PACC1: variants seen among roughly 807,000 people sequenced by gnomAD.
PACC1 encodes the protein proton-activated chloride channel.
A neutral mutation model predicts 39.7 loss-of-function variants in PACC1; 34 were observed. That is an observed-to-expected ratio of 0.86 (90% CI 0.65 to 1.14). The LOEUF (loss-of-function observed/expected upper bound fraction) is 1.14. Among genes scored for constraint, PACC1 ranks in the 50% most tolerant of loss-of-function variants. The pLI is 0.00. For synonymous variants in PACC1, 127 were observed against 160.6 expected (o/e 0.79, Z 1.58); for missense variants, 379 against 436.4 (o/e 0.87, Z 1.17).
chr1:212,389,127 T>C (rs1471415165), intron 2 of PACC1, among the ~76,000 whole-genome samples: 3 of 152,256 alleles, frequency 2.0e-5, no homozygotes, highest in Non-Finnish European at 4.4e-5. Context: ...GTGAGATTTA[T>C]ACATCTGTAG....
At chr1:212,381,673 CACA>C (rs1308763645) in intron 4 of PACC1, among the ~76,000 whole-genome samples, 6 of 99,158 alleles carry the variant, frequency 6.1e-5, no homozygotes, top group South Asian at 4.3e-4. Flanking sequence ...TGGGCATGTG[CACA>C]GACACACACA....
At chr1:212,397,237 C>T (rs1208157167) in intron 2 of PACC1, among the ~76,000 whole-genome samples, 3 of 152,110 alleles carry the variant, frequency 2.0e-5, no homozygotes, top group Non-Finnish European at 2.9e-5. Flanking sequence ...AGGTTTATAA[C>T]TTGCAAGAAA....
intron 2 of PACC1, among the ~76,000 whole-genome samples, chr1:212,390,499 C>T (rs1206628382): frequency 1.3e-5 from 2 of 150,918 alleles, no homozygotes; most frequent in Admixed American, 6.6e-5. Flanking sequence ...CTCCAGTCTA[C>T]AGCTCCCAGC....
rs751182672 is a variant in PACC1 at position 212,377,615 on chromosome 1, G to C, written c.730C>G (p.Leu244Val). 8.1e-6 allele frequency: 13 copies of C among 1,614,178 alleles called. No homozygotes were observed. Among genetic ancestry groups the C allele is most frequent in the Non-Finnish European group, 1.1e-5 (13 of 1,180,040 alleles). The change falls in exon 6 of 8, where the codon CTG becomes GTG. Residue 244 changes from leucine (L) to valine (V), a missense_variant. Leu to Val is a conservative substitution (Grantham distance 32). Transcript: ENST00000261455. ...GGFRTWVKMS[L>V]VKTKEEDGRE... is the part of the protein sequence containing the mutation. The stretch of plus-strand genomic sequence containing the variant: ...CCATCCTCCTCCTTGGTCTTTACCA[G>C]TGACATCTTGACCCAGGTGCGGAAG...
Position 212,410,529 on chromosome 1 carries a change from G to C in PACC1, c.37-8C>G. ...GACCAACTCCTCACTCAGCTAAAGG[G>C]AGAAGCAAAGAGAGCAAAGACAAGT... On this transcript the variant is annotated splice_region_variant and splice_polypyrimidine_tract_variant and intron_variant, in intron 1 of 7. Transcript: ENST00000261455. 6.2e-7 allele frequency: 1 copy of C among 1,613,148 alleles called. No individual in the cohort carries two copies. Among genetic ancestry groups the C allele is most frequent in the Non-Finnish European group, 8.5e-7 (1 of 1,179,100 alleles).
At chr1:212,384,774 G>A (rs538066710) in intron 4 of PACC1, among the ~76,000 whole-genome samples, 2 of 152,308 alleles carry the variant, frequency 1.3e-5, no homozygotes, top group South Asian at 4.1e-4. Context: ...ACGACAGCAT[G>A]GCCAGCCCAG....
Position 212,385,602 on chromosome 1 carries a change from G to A in PACC1, c.344-177C>T, listed in dbSNP as rs768646593. Among the ~76,000 whole-genome samples, 7 of 152,072 alleles carry A rather than the reference G, an allele frequency of 4.6e-5. No homozygotes were observed. The South Asian group carries it at 8.3e-4, about 18-fold the overall frequency. On this transcript the variant is annotated intron_variant, in intron 3 of 7. Coordinates refer to ENST00000261455, the MANE Select transcript of PACC1 (RefSeq NM_018252.3). ...ACATCCCCTGGCCTCAGAAAGCCCC[G>A]CTGTAGCAGAGGGCACAAGCCCCTC...
rs371507025 is a variant in PACC1, at chr1:212,385,224, G to A, written c.495+50C>T. The A allele has an allele frequency of 6.9e-4, 1,103 of 1,608,486 alleles. 1 individual carries two copies. The highest frequency in any genetic ancestry group is 1.2e-3 in the Admixed American group (71 of 59,824). ...AAGGAAACTTGGGGCCTTGGGTTGC[G>A]GGGCTAACAGAGCAGCTGCCCAGAC... On this transcript the variant is annotated intron_variant, in intron 4 of 7. Coordinates refer to ENST00000261455, the MANE Select transcript of PACC1 (RefSeq NM_018252.3).
chr1:212,409,886 G>A (rs1662058660), intron 2 of PACC1, among the ~76,000 whole-genome samples: 1 of 152,200 alleles, frequency 6.6e-6, no homozygotes, highest in Non-Finnish European at 1.5e-5. Context: ...GCTGGAGAGT[G>A]ACCGCAATGG....
chr1:212,385,960 G>C (rs1661085404), intron 3 of PACC1, among the ~76,000 whole-genome samples: 1 of 152,190 alleles, frequency 6.6e-6, no homozygotes, highest in Non-Finnish European at 1.5e-5. Flanking sequence ...CATGGCATCA[G>C]AGACAGACAG....
chr1:212,406,313 T>C (rs1661915077), intron 2 of PACC1, among the ~76,000 whole-genome samples: 2 of 151,936 alleles, frequency 1.3e-5, no homozygotes, highest in South Asian at 2.1e-4. Flanking sequence ...GGTTAGGAGT[T>C]CAAGACCAGC....
intron 1 of PACC1, chr1:212,413,848 C>A: frequency 2.7e-6 from 4 of 1,498,284 alleles, no homozygotes; most frequent in South Asian, 1.3e-5. Context: ...CACAGTATCG[C>A]ACTCAGAGGT....
intron 1 of PACC1, 118 bp downstream of exon 1, chr1:212,414,604 T>G: frequency 7.8e-7 from 1 of 1,284,376 alleles, no homozygotes; most frequent in Non-Finnish European, 1.1e-6. Context: ...CACCCGTCGG[T>G]CCCTCGGAAG....
intron 7 of PACC1, among the ~76,000 whole-genome samples, chr1:212,373,742 T>C (rs971519846): frequency 3.9e-5 from 6 of 152,136 alleles, no homozygotes; most frequent in African/African-American, 7.2e-5. Context: ...CCAAAAGGCA[T>C]ATGAAAATAT....
intron 6 of PACC1, among the ~76,000 whole-genome samples, chr1:212,376,560 G>C (rs1448886621): frequency 6.6e-6 from 1 of 152,202 alleles, no homozygotes; most frequent in African/African-American, 2.4e-5. Flanking sequence ...GGCCAGATAA[G>C]AAAGGACTTG....
At position 212,414,859 on chromosome 1, in the gene PACC1, G is replaced by C. The variant is rs1235785566; in HGVS notation, c.-102C>G. ...CCTGGACCTACCGGCTCCGCGAGGC[G>C]AAACCGGTCCGGAGGGGCGTCCCAG... is the stretch of plus-strand genomic sequence containing the variant. On this transcript the variant is annotated 5_prime_UTR_variant, in exon 1 of 8. Transcript: ENST00000261455. 6.6e-7 allele frequency: 1 copy of C among 1,518,482 alleles called. No homozygotes were observed. Among genetic ancestry groups the C allele is most frequent in the Admixed American group, 1.8e-5 (1 of 54,804 alleles). The allele number at this position is 1,518,482 out of a possible 1,614,324, so 94.1% of individuals were successfully genotyped here. A position where few individuals can be genotyped will look rare whatever the true frequency, so the allele number is the denominator to read the frequency against.
chr1:212,368,045 C>T (rs1428818302), intron 7 of PACC1, among the ~76,000 whole-genome samples: 1 of 152,106 alleles, frequency 6.6e-6, no homozygotes, highest in Admixed American at 6.5e-5. Context: ...ACTCCTTCCC[C>T]TTGAGGGAAA....
chr1:212,410,323 G>A, intron 2 of PACC1, 102 bp downstream of exon 2: 1 of 989,846 alleles, frequency 1.0e-6, no homozygotes, highest in East Asian at 2.4e-5. Flanking sequence ...CCTGACACCA[G>A]GGTGCAGGGA....
chr1:212,374,591 ATAACC>A (rs1466904939), intron 7 of PACC1, among the ~76,000 whole-genome samples: 1 of 152,248 alleles, frequency 6.6e-6, no homozygotes, highest in Non-Finnish European at 1.5e-5. Flanking sequence ...GAGATGATGG[ATAACC>A]CAACTACCCT....
Sources: allele counts gnomAD v4.1 joint callset (sites outside exome capture counted in the v4.1 genomes callset), GRCh38; gene constraint gnomAD v4.1.1; transcripts MANE v1.5; gene names NCBI Gene and HGNC (gene_info 2026-07-23, HGNC 2026-07-21).